The following COX19 variants were observed in gnomAD, a reference collection of about 807,000 sequenced individuals.
COX19 encodes the protein cytochrome c oxidase assembly factor COX19, also known as cytochrome c oxidase assembly protein COX19.
In COX19, 8 loss-of-function variants were observed where a neutral mutation model predicts 6.8. The observed-to-expected ratio is 1.18, with a 90% confidence interval of 0.69 to 2.12. COX19 has a LOEUF of 2.12. COX19 is among the 30% of genes most tolerant of loss of function. The pLI, the probability that COX19 is intolerant of heterozygous loss-of-function variation, is 0.00. For missense variants in COX19, 131 were observed against 104.6 expected (o/e 1.25, Z -1.10); for synonymous variants, 51 against 38.0 (o/e 1.34, Z -1.26).
Position 967,571 on chromosome 7 carries a change from C to A in COX19, c.*1807G>T, listed in dbSNP as rs536526218. 2 of 152,250 alleles carry A rather than the reference C, an allele frequency of 1.3e-5. No individual in the cohort carries two copies. The highest frequency in any genetic ancestry group is 4.8e-5 in the African/African-American group (2 of 41,456). The allele number at this position is 152,250 out of a possible 1,614,324, so 9.4% of individuals were successfully genotyped here. A position where few individuals can be genotyped will look rare whatever the true frequency, so the allele number is the denominator to read the frequency against. ...CCGACCCGGGCCTGGGCACTCCCGA[C>A]GGCGGGTCAGAGTGCGATGGGAAGA... On this transcript the variant is annotated 3_prime_UTR_variant, in exon 3 of 3. Coordinates refer to ENST00000344111, the MANE Select transcript of COX19 (RefSeq NM_001031617.3).
intron 1 of COX19, 78 bp downstream of exon 1, chr7:975,350 A>C: frequency 8.7e-7 from 1 of 1,145,014 alleles, no homozygotes; most frequent in Non-Finnish European, 1.2e-6. Flanking sequence ...AGATGCCGGC[A>C]CCCCATAGGG....
chr7:971,393 G>C (rs984590582), intron 2 of COX19, among the ~76,000 whole-genome samples: 1 of 152,114 alleles, frequency 6.6e-6, no homozygotes, highest in East Asian at 1.9e-4. Context: ...TAGCACAGAA[G>C]GAAAAAGGAA....
Position 975,489 on chromosome 7 carries a change from G to A in COX19, c.21C>T (p.Phe7=). The change falls in exon 1 of 3, where the codon TTC becomes TTT. Residue 7 remains phenylalanine, a synonymous_variant. Transcript: ENST00000344111. MSTAMN[F]GTKSFQPRPP... Reference sequence around the variant, plus strand: ...GCCGCGGCTGGAAGCTCTTGGTCCCGAAATTCATGGCGGTCGACATGTTGG... The same window carrying A: ...GCCGCGGCTGGAAGCTCTTGGTCCCAAAATTCATGGCGGTCGACATGTTGG... 2.5e-6 allele frequency: 4 copies of A among 1,603,524 alleles called. No individual in the cohort carries two copies. The highest frequency in any genetic ancestry group is 1.7e-6 in the Non-Finnish European group (2 of 1,176,342).
intron 1 of COX19, among the ~76,000 whole-genome samples, chr7:973,897 C>T (rs1023361676): frequency 1.4e-5 from 2 of 147,790 alleles, no homozygotes; most frequent in East Asian, 2.0e-4. Context: ...ACCCAGGAAG[C>T]GGAGGTTGCA....
At position 969,243 on chromosome 7, in the gene COX19, C is replaced by A. The variant is rs866652408; in HGVS notation, c.*135G>T. On this transcript the variant is annotated 3_prime_UTR_variant, in exon 3 of 3. Coordinates refer to ENST00000344111, the MANE Select transcript of COX19 (RefSeq NM_001031617.3). ...CCACTCCCTACCCAGGAGACGCCCC[C>A]ACAGGGCTGGAGCTTCTATTCGAAG... 1 of 675,868 alleles carries A rather than the reference C, an allele frequency of 1.5e-6. No homozygotes were observed. The highest frequency in any genetic ancestry group is 2.6e-6 in the Non-Finnish European group (1 of 377,806). 41.9% of individuals were successfully genotyped at this position (675,868 alleles called of 1,614,324 possible). A position where few individuals can be genotyped will look rare whatever the true frequency, so the allele number is the denominator to read the frequency against.
At chr7:969,684 T>C (rs965078634) in intron 2 of COX19, among the ~76,000 whole-genome samples, 11 of 151,998 alleles carry the variant, frequency 7.2e-5, no homozygotes, top group African/African-American at 2.7e-4. Context: ...GCCTAAGGCC[T>C]GGGGCCTCTT....
At chr7:969,515 T>G in intron 2 of COX19, 59 bp from the exon 3 acceptor site, 4 of 1,080,028 alleles carry the variant, frequency 3.7e-6, no homozygotes, top group Admixed American at 1.8e-5. Flanking sequence ...AGAGGGGCCC[T>G]TGCAGGCCCC....
intron 1 of COX19, among the ~76,000 whole-genome samples, chr7:974,264 A>G (rs993425189): frequency 4.0e-5 from 6 of 148,562 alleles, no homozygotes; most frequent in African/African-American, 1.2e-4. Context: ...AAAAAAAAAA[A>G]AAAAAAAATT....
Position 965,498 on chromosome 7 carries a change from G to A in COX19, c.*3880C>T, listed in dbSNP as rs964991502. On this transcript the variant is annotated 3_prime_UTR_variant, in exon 3 of 3. Transcript: ENST00000344111. ...CAGGTCGGTGCGGCCTGTGCGGCTC[G>A]CTCCCGGCGGTGGCTGCTGGGTTAA... 3.9e-5 allele frequency among the ~76,000 whole-genome samples: 6 copies of A among 152,208 alleles called. No homozygotes were observed. Among genetic ancestry groups the A allele is most frequent in the South Asian group, 2.1e-4 (1 of 4,826 alleles).
intron 1 of COX19, among the ~76,000 whole-genome samples, chr7:973,962 T>C (rs1847669117): frequency 1.3e-5 from 2 of 151,538 alleles, no homozygotes; most frequent in South Asian, 4.2e-4. Context: ...TGAGACTCCA[T>C]TTCAAAAATA....
In COX19 at chr7:967,504, A is replaced by G. The variant is rs1342974429; in HGVS notation, c.*1874T>C. The G allele has an allele frequency of 6.6e-6, 1 of 151,590 alleles. No individual in the cohort carries two copies. Among genetic ancestry groups the G allele is most frequent in the African/African-American group, 2.4e-5 (1 of 41,232 alleles). 9.4% of individuals were successfully genotyped at this position (151,590 alleles called of 1,614,324 possible). On this transcript the variant is annotated 3_prime_UTR_variant, in exon 3 of 3. Transcript: ENST00000344111. ...ACCTTTGGTCGACGGTCTTCCCCAC[A>G]CTCCTGATGGGTCAGAGTGCGGTGC...
chr7:965,479 G>A lies in COX19; in HGVS notation c.*3899C>T, dbSNP rs994936400. 3.3e-5 allele frequency among the ~76,000 whole-genome samples: 5 copies of A among 152,310 alleles called. No homozygotes were observed. Among genetic ancestry groups the A allele is most frequent in the African/African-American group, 4.8e-5 (2 of 41,566 alleles). ...GTGCCCTCAGGGACGCCCCCAGGTC[G>A]GTGCGGCCTGTGCGGCTCGCTCCCG... On this transcript the variant is annotated 3_prime_UTR_variant, in exon 3 of 3. Coordinates refer to ENST00000344111, the MANE Select transcript of COX19 (RefSeq NM_001031617.3).
At chr7:972,332 G>T (rs6462277) in intron 2 of COX19, among the ~76,000 whole-genome samples, 25,419 of 152,064 alleles carry the variant, frequency 0.17, 3,220 homozygotes, top group African/African-American at 0.36. Context: ...TCATCCTTAC[G>T]GCCCCAAATG....
intron 2 of COX19, among the ~76,000 whole-genome samples, chr7:969,816 C>T (rs930622879): frequency 6.6e-6 from 1 of 152,214 alleles, no homozygotes; most frequent in African/African-American, 2.4e-5. Context: ...CTTTGATTGG[C>T]AGGATAATGA....
At chr7:973,585 C>T (rs899790813) in intron 1 of COX19, among the ~76,000 whole-genome samples, 3 of 151,626 alleles carry the variant, frequency 2.0e-5, no homozygotes, top group Admixed American at 6.6e-5. Flanking sequence ...GCAGGAAGAT[C>T]GCTTGAGCAA....
At chr7:970,429 C>A (rs763166363) in intron 2 of COX19, among the ~76,000 whole-genome samples, 1 of 150,814 alleles carries the variant, frequency 6.6e-6, no homozygotes, top group Non-Finnish European at 1.5e-5. Flanking sequence ...CCACACTGCC[C>A]GGCCAGCTAA....
intron 1 of COX19, 39 bp downstream of exon 1, chr7:975,389 C>CCAT: frequency 6.7e-7 from 1 of 1,498,928 alleles, no homozygotes; most frequent in East Asian, 2.6e-5. Context: ...CCCAGACCCC[C>CCAT]CATCGCAGAC....
rs762650817 is a variant in COX19, at chr7:975,523, G to A, written c.-14C>T. On this transcript the variant is annotated 5_prime_UTR_variant, in exon 1 of 3. Transcript: ENST00000344111. ...GGCGGTCGACATGTTGGCGACTCCG[G>A]AGTCTGCGAGCGCCTTGCGAGCGTA... 6.3e-7 allele frequency: 1 copy of A among 1,598,082 alleles called. No homozygotes were observed. Among genetic ancestry groups the A allele is most frequent in the Non-Finnish European group, 8.5e-7 (1 of 1,173,638 alleles).
rs1562947058 is a variant in COX19, at chr7:975,396, AGACCCCTGCCCGCC to A, written c.82+18_82+31del. ...GGCCGCGACCCAGACCCCCCATCGCAGACCCCTGCCCGCCGACCTTCCGCCGCTCACCTAAGTGA... is the reference window on the plus strand; with the variant it reads ...GGCCGCGACCCAGACCCCCCATCGCAGACCTTCCGCCGCTCACCTAAGTGA... On this transcript the variant is annotated intron_variant, in intron 1 of 2. Coordinates refer to ENST00000344111, the MANE Select transcript of COX19 (RefSeq NM_001031617.3). 1 of 1,534,888 alleles carries A rather than the reference AGACCCCTGCCCGCC, an allele frequency of 6.5e-7. No homozygotes were observed. The highest frequency in any genetic ancestry group is 8.8e-7 in the Non-Finnish European group (1 of 1,133,764).
Sources: allele counts gnomAD v4.1 joint callset (sites outside exome capture counted in the v4.1 genomes callset), GRCh38; gene constraint gnomAD v4.1.1; transcripts MANE v1.5; gene names NCBI Gene and HGNC (gene_info 2026-07-23, HGNC 2026-07-21).